Variants in LRP1B observed in about 807,000 individuals in gnomAD.
The protein encoded by LRP1B is low-density lipoprotein receptor-related protein 1B.
Under a neutral mutation model 556.6 loss-of-function variants are expected in LRP1B, and 217 were observed. The ratio of observed to expected loss-of-function variants is 0.39; its 90% CI spans 0.35 to 0.44. The LOEUF is 0.44. Ranked by LOEUF, LRP1B falls within the 20% of genes least tolerant of loss-of-function variation. The pLI is 1.00. For missense variants in LRP1B, 5,053 were observed against 5,620.8 expected, an observed-to-expected ratio of 0.90 and a Z score of 3.23; for synonymous variants, 2,047 against 1,865.8, an observed-to-expected ratio of 1.10 and a Z score of -2.50.
chr2:141,675,446 T>C (rs1574227729), intron 2 of LRP1B, among the ~76,000 whole-genome samples: 1 of 151,926 alleles, frequency 6.6e-6, no homozygotes, highest in South Asian at 2.1e-4. Context: ...TAAGAGGTCA[T>C]GTTCATAGTC....
At chr2:140,602,585 C>A (rs993977653) in intron 41 of LRP1B, among the ~76,000 whole-genome samples, 4 of 151,910 alleles carry the variant, frequency 2.6e-5, no homozygotes, top group African/African-American at 9.7e-5. Context: ...CTCAAAGAAT[C>A]CCTAATAGGA....
At chr2:141,474,047 T>C (rs199986483) in intron 3 of LRP1B, among the ~76,000 whole-genome samples, 48,482 of 112,418 alleles carry the variant, frequency 0.43, 9,733 homozygotes, top group Non-Finnish European at 0.48. Flanking sequence ...TTCCTTCCTT[T>C]CCTTCCTTCC....
intron 67 of LRP1B, among the ~76,000 whole-genome samples, chr2:140,381,095 T>A (rs2105188832): frequency 6.6e-6 from 1 of 152,276 alleles, no homozygotes; most frequent in Admixed American, 6.5e-5. Context: ...CTAACCATCA[T>A]TCATATACCT....
Position 141,988,450 on chromosome 2 carries a change from G to A in LRP1B, c.82+142198C>T, listed in dbSNP as rs181684776. Among the ~76,000 whole-genome samples the A allele has an allele frequency of 6.7e-4, 102 of 152,026 alleles. 1 individual carries two copies. The highest frequency in any genetic ancestry group is 5.0e-3 in the Admixed American group (76 of 15,244). On this transcript the variant is annotated intron_variant, in intron 1 of 90. Coordinates refer to ENST00000389484, the MANE Select transcript of LRP1B (RefSeq NM_018557.3). The stretch of plus-strand genomic sequence containing the variant: ...AGTGAGCCCACTTATTTATATTTAT[G>A]AGTAACATTTCTTAATCATCCTTAT...
intron 11 of LRP1B, among the ~76,000 whole-genome samples, chr2:141,046,653 T>C (rs1346958556): frequency 6.6e-6 from 1 of 152,210 alleles, no homozygotes; most frequent in Non-Finnish European, 1.5e-5. Context: ...ATAGGTGGAA[T>C]GCAAAGAACC....
Position 140,508,772 on chromosome 2 carries a change from G to T in LRP1B, c.8398+1156C>A, listed in dbSNP as rs142335076. On this transcript the variant is annotated intron_variant, in intron 52 of 90. Transcript: ENST00000389484. ...TGAGTACAATTTGCTGCATTTTAAC[G>T]GAATGTACTTAATAGTACCCTTGTG... is the stretch of plus-strand genomic sequence containing the variant. Among the ~76,000 whole-genome samples the T allele has an allele frequency of 8.5e-4, 129 of 152,184 alleles. 1 individual carries two copies. In the East Asian group the frequency reaches 0.022, roughly 26 times the overall value.
rs771876750 is a variant in LRP1B at position 140,540,992 on chromosome 2, T to C, written c.7494A>G (p.Leu2498=). The C allele has an allele frequency of 3.1e-6, 5 of 1,610,948 alleles. No individual in the cohort carries two copies. Among genetic ancestry groups the C allele is most frequent in the African/African-American group, 1.3e-5 (1 of 74,864 alleles). Reference sequence around the variant, plus strand: ...ACTTACTCACACATCTGTTGTCCTCTAGCAATATTCGGTCCCCTCTGCAGG... The same window carrying C: ...ACTTACTCACACATCTGTTGTCCTCCAGCAATATTCGGTCCCCTCTGCAGG... ...NCSCRGDRIL[L]EDNRCVTKNS... is the part of the protein sequence containing the mutation. Residue 2498 remains leucine (L), a synonymous_variant, in exon 45 of 91, where the codon CTA becomes CTG. Transcript: ENST00000389484.
Position 140,831,448 on chromosome 2 carries a change from G to T in LRP1B, c.5209+8543C>A, listed in dbSNP as rs555975521. Among the ~76,000 whole-genome samples the T allele has an allele frequency of 7.2e-5, 11 of 152,242 alleles. No homozygotes were observed. In the South Asian group the frequency reaches 8.3e-4, roughly 11 times the overall value. ...AAGGACAATATCTTCAATAAATAGT[G>T]CTGGGAAAACTAGATATCCCTATGC... On this transcript the variant is annotated intron_variant, in intron 31 of 90. Transcript: ENST00000389484.
rs2105016679 is a variant in LRP1B, at chr2:140,541,003, G to A, written c.7483C>T (p.Arg2495Ter). The change falls in exon 45 of 91, where the codon CGA becomes TGA. Residue 2495 changes from arginine (R) to a stop codon, truncating the protein, a stop_gained. Transcript: ENST00000389484. LOFTEE classifies it high-confidence loss of function. ...GRVNCSCRGD[R>*]ILLEDNRCVT... ...CATCTGTTGTCCTCTAGCAATATTC[G>A]GTCCCCTCTGCAGGAACAATTCACT... The A allele has an allele frequency of 6.2e-7, 1 of 1,610,564 alleles. No individual in the cohort carries two copies. The highest frequency in any genetic ancestry group is 2.2e-5 in the East Asian group (1 of 44,718).
At chr2:141,892,288 G>A (rs1198814011) in intron 1 of LRP1B, among the ~76,000 whole-genome samples, 3 of 151,678 alleles carry the variant, frequency 2.0e-5, no homozygotes, top group East Asian at 1.9e-4. Flanking sequence ...ATGCATATTT[G>A]GGATCCAATA....
intron 24 of LRP1B, 150 bp downstream of exon 24, chr2:140,885,988 G>T: frequency 1.8e-6 from 1 of 550,278 alleles, no homozygotes. Flanking sequence ...TCACACAGAT[G>T]CTCAATATCC....
intron 3 of LRP1B, chr2:141,286,767 CTTGTACA>C (rs1685738560): frequency 2.3e-6 from 1 of 438,492 alleles, no homozygotes; most frequent in African/African-American, 2.0e-5. Flanking sequence ...TACATTTGTA[CTTGTACA>C]TTGTACAAGT....
At chr2:141,447,023 G>A (rs561534989) in intron 3 of LRP1B, among the ~76,000 whole-genome samples, 69 of 152,090 alleles carry the variant, frequency 4.5e-4, no homozygotes, top group African/African-American at 3.6e-4. Context: ...ACTTGGTTCC[G>A]TTCTTCCATC....
chr2:141,105,084 GTAC>G (rs1186455109), intron 7 of LRP1B, among the ~76,000 whole-genome samples: 2 of 151,920 alleles, frequency 1.3e-5, no homozygotes, highest in Admixed American at 6.6e-5. Flanking sequence ...TATCCAATAA[GTAC>G]TACATAATAA....
chr2:141,112,095 A>T (rs1234619755), intron 7 of LRP1B, among the ~76,000 whole-genome samples: 1 of 151,434 alleles, frequency 6.6e-6, no homozygotes, highest in South Asian at 2.1e-4. Context: ...ATAAATAAAT[A>T]AATTCTACTC....
intron 2 of LRP1B, among the ~76,000 whole-genome samples, chr2:141,711,182 C>T (rs1376424267): frequency 6.6e-6 from 1 of 152,150 alleles, no homozygotes; most frequent in Non-Finnish European, 1.5e-5. Flanking sequence ...ATACTTGAAA[C>T]TCCTTATGGG....
intron 2 of LRP1B, among the ~76,000 whole-genome samples, chr2:141,605,031 C>T (rs777111906): frequency 2.0e-5 from 3 of 151,926 alleles, no homozygotes; most frequent in Non-Finnish European, 4.4e-5. Flanking sequence ...TCTTGCGGCA[C>T]GTAAGGTGGC....
At chr2:140,751,656 C>T (rs751144677) in intron 35 of LRP1B, among the ~76,000 whole-genome samples, 28 of 152,124 alleles carry the variant, frequency 1.8e-4, no homozygotes, top group Non-Finnish European at 3.2e-4. Context: ...AAATTATTTG[C>T]CACATACACC....
chr2:142,036,918 G>A (rs1273882208), intron 1 of LRP1B, among the ~76,000 whole-genome samples: 1 of 151,596 alleles, frequency 6.6e-6, no homozygotes, highest in Non-Finnish European at 1.5e-5. Flanking sequence ...ATACAAATGG[G>A]CACTATACAA....
Sources: allele counts gnomAD v4.1 joint callset (sites outside exome capture counted in the v4.1 genomes callset), GRCh38; gene constraint gnomAD v4.1.1; transcripts MANE v1.5; gene names NCBI Gene and HGNC (gene_info 2026-07-23, HGNC 2026-07-21).